Variants in USP32 observed in about 807,000 individuals in gnomAD.
The protein encoded by USP32 is ubiquitin carboxyl-terminal hydrolase 32.
Under a neutral mutation model 204.8 loss-of-function variants are expected in USP32, and 59 were observed. That is an observed-to-expected ratio of 0.29 (90% confidence interval 0.23 to 0.36). The LOEUF is 0.36. Ranked by LOEUF, USP32 falls within the 10% of genes least tolerant of loss-of-function variation. USP32 has a pLI of 1.00. For missense variants in USP32, 1,160 were observed against 1,946.4 expected (o/e 0.60, Z 7.60); for synonymous variants, 517 against 678.4 (o/e 0.76, Z 3.70).
rs1252832118 is a variant in USP32, at chr17:60,214,645, A to G, written c.1997T>C (p.Met666Thr). ...CTCACTGTTGTATAGCCACAGGCGC[A>G]TATCTTCCTCTTTAATGCGCAGCCT... The part of the protein sequence containing the change: ...SQRLRIKEED[M>T]RLWLYNSENY... Residue 666 changes from methionine to threonine, a missense_variant, in exon 17 of 34, where the codon ATG becomes ACG. By Grantham distance (81) the Met-to-Thr change is moderately conservative (BLOSUM62 -1). This residue lies in a region of USP32 where 132 missense variants were observed against 432.8 expected (regional missense o/e 0.30). Coordinates refer to ENST00000300896, the MANE Select transcript of USP32 (RefSeq NM_032582.4). 1.2e-6 allele frequency: 2 copies of G among 1,613,720 alleles called. No homozygotes were observed. Among genetic ancestry groups the G allele is most frequent in the East Asian group, 2.2e-5 (1 of 44,860 alleles).
intron 5 of USP32, among the ~76,000 whole-genome samples, chr17:60,286,611 C>T (rs2087120023): frequency 6.6e-6 from 1 of 152,224 alleles, no homozygotes; most frequent in Non-Finnish European, 1.5e-5. Context: ...TCAAGTGAAA[C>T]TCTAGGCATC....
At chr17:60,219,594 A>T (rs550905059) in intron 16 of USP32, 76 bp downstream of exon 16, 40 of 1,235,148 alleles carry the variant, frequency 3.2e-5, no homozygotes, top group Non-Finnish European at 4.2e-5. Flanking sequence ...TTTTTAAGGA[A>T]ATGCATGGTA....
intron 11 of USP32, among the ~76,000 whole-genome samples, chr17:60,247,311 C>T (rs910888054): frequency 5.9e-5 from 9 of 151,966 alleles, no homozygotes; most frequent in Admixed American, 2.0e-4. Context: ...TCCTGAGTAG[C>T]TGGGATTACA....
chr17:60,255,804 A>G (rs1391497498), intron 9 of USP32, among the ~76,000 whole-genome samples: 2 of 152,244 alleles, frequency 1.3e-5, no homozygotes, highest in African/African-American at 4.8e-5. Context: ...TTATCAACGC[A>G]GTAAGAAATA....
intron 13 of USP32, 31 bp from the exon 14 acceptor site, chr17:60,223,617 A>C (rs765209432): frequency 1.3e-6 from 2 of 1,560,080 alleles, no homozygotes; most frequent in East Asian, 2.2e-5. Context: ...AGAATCTCTT[A>C]TTTTTAGTTA....
chr17:60,336,438 G>C lies in USP32; in HGVS notation c.186+9043C>G, dbSNP rs528378821. On this transcript the variant is annotated intron_variant, in intron 2 of 33. Coordinates refer to ENST00000300896, the MANE Select transcript of USP32 (RefSeq NM_032582.4). ...TCTTACAAAAAGAAATGAATTGGCC[G>C]GGCGCGGTGGCTCACGCCTGTAATC... is the stretch of plus-strand genomic sequence containing the variant. 4.9e-5 allele frequency among the ~76,000 whole-genome samples: 7 copies of C among 142,900 alleles called. 2 individuals are homozygous for C. Among genetic ancestry groups the C allele is most frequent in the African/African-American group, 2.1e-4 (7 of 33,400 alleles). 93.7% of individuals were successfully genotyped at this position (142,900 alleles called of 152,430 possible).
chr17:60,375,731 A>G (rs1188761240), intron 1 of USP32, among the ~76,000 whole-genome samples: 4 of 151,860 alleles, frequency 2.6e-5, no homozygotes, highest in Admixed American at 6.6e-5. Context: ...AGTCTCCCCA[A>G]GTAGCTGGGA....
At chr17:60,275,381 T>A (rs1206499126) in intron 5 of USP32, among the ~76,000 whole-genome samples, 1 of 152,040 alleles carries the variant, frequency 6.6e-6, no homozygotes, top group Non-Finnish European at 1.5e-5. Context: ...CGCTTGAACC[T>A]GGGAGGCAGA....
intron 9 of USP32, among the ~76,000 whole-genome samples, chr17:60,257,526 A>G (rs954814028): frequency 6.6e-5 from 10 of 152,108 alleles, no homozygotes; most frequent in African/African-American, 2.2e-4. Flanking sequence ...GTCTCACTCT[A>G]TCACCCAGGC....
chr17:60,380,572 G>C (rs2089629738), intron 1 of USP32, among the ~76,000 whole-genome samples: 1 of 152,130 alleles, frequency 6.6e-6, no homozygotes, highest in South Asian at 2.1e-4. Flanking sequence ...TTCCAGATAA[G>C]AGAAATCACA....
intron 12 of USP32, among the ~76,000 whole-genome samples, chr17:60,227,717 T>C (rs939178518): frequency 1.2e-4 from 19 of 152,028 alleles, no homozygotes; most frequent in East Asian, 7.7e-4. Context: ...CCAGTGGACA[T>C]AAGTTTTCTA....
chr17:60,268,670 G>C (rs565980045), intron 7 of USP32, among the ~76,000 whole-genome samples: 1 of 151,772 alleles, frequency 6.6e-6, no homozygotes, highest in African/African-American at 2.4e-5. Context: ...TGAAATAGTG[G>C]TATAACAACA....
rs2084039414 is a variant in USP32, at chr17:60,179,271, TACTTTTTGTAATCAG to T, written c.4784_4798del (p.Ser1595_Lys1599del). 1.2e-6 allele frequency: 2 copies of T among 1,613,852 alleles called. No individual in the cohort carries two copies. Among genetic ancestry groups the T allele is most frequent in the South Asian group, 2.2e-5 (2 of 91,080 alleles). The stretch of plus-strand genomic sequence containing the variant: ...GTGGTAGCTTTACTGTAACACACAG[TACTTTTTGTAATCAG>T]ACTCAAAGTCTTCATCCATACTGCT... On this transcript the variant is annotated inframe_deletion, in exon 34 of 34. Transcript: ENST00000300896.
chr17:60,250,100 CA>C (rs1439633379), intron 11 of USP32, among the ~76,000 whole-genome samples: 1 of 151,994 alleles, frequency 6.6e-6, no homozygotes, highest in Admixed American at 6.6e-5. Flanking sequence ...ATACAAAATA[CA>C]AAAGGCAAAT....
intron 2 of USP32, among the ~76,000 whole-genome samples, chr17:60,318,663 T>A (rs1213619038): frequency 6.6e-6 from 1 of 152,158 alleles, no homozygotes; most frequent in Non-Finnish European, 1.5e-5. Context: ...CTAGGTCAGG[T>A]GAATTTACAG....
intron 30 of USP32, among the ~76,000 whole-genome samples, chr17:60,184,824 A>C (rs1191719210): frequency 1.3e-5 from 2 of 152,024 alleles, no homozygotes; most frequent in Admixed American, 6.6e-5. Context: ...AAAAAAAAAA[A>C]AAAAACATAT....
chr17:60,336,268 T>C (rs2088514139), intron 2 of USP32, among the ~76,000 whole-genome samples: 1 of 143,028 alleles, frequency 7.0e-6, no homozygotes, highest in Admixed American at 6.8e-5. Flanking sequence ...CTGTTTAAAT[T>C]TGCTCTAGCT....
At chr17:60,400,167 G>A (rs1354657986) in intron 1 of USP32, among the ~76,000 whole-genome samples, 6 of 152,104 alleles carry the variant, frequency 3.9e-5, no homozygotes, top group South Asian at 4.1e-4. Context: ...GTTTCACCAC[G>A]TTGGCCAGGC....
At chr17:60,306,395 T>C (rs543867848) in intron 2 of USP32, among the ~76,000 whole-genome samples, 1 of 152,328 alleles carries the variant, frequency 6.6e-6, no homozygotes. Flanking sequence ...CCCAGCACTT[T>C]GGAAAGCCGA....
Sources: gnomAD v4.1 joint callset for allele counts (sites outside exome capture counted in the v4.1 genomes callset) on GRCh38, gnomAD v4.1.1 for gene constraint, gnomAD v4.1.1 regional missense constraint, MANE v1.5 for transcripts, NCBI Gene and HGNC (gene_info 2026-07-23, HGNC 2026-07-21) for gene names.